The following GCA variants were observed in gnomAD, a reference collection of about 807,000 sequenced individuals.
GCA encodes the protein grancalcin.
A neutral mutation model predicts 32.6 loss-of-function variants in GCA; 30 were observed. The observed-to-expected ratio is 0.92, with a 90% CI of 0.69 to 1.25. The LOEUF is 1.25. GCA is among the 50% of genes most tolerant of loss of function. The probability of loss-of-function intolerance (pLI) is 0.00; values close to 1 mark genes in which losing one functional copy is unlikely to be tolerated. For synonymous variants in GCA, 102 were observed against 84.6 expected (o/e 1.21, Z -1.13); for missense variants, 291 against 266.8 (o/e 1.09, Z -0.63).
chr2:162,349,566 G>GA (rs1311628993), intron 2 of GCA, among the ~76,000 whole-genome samples: 1 of 152,052 alleles, frequency 6.6e-6, no homozygotes, highest in Admixed American at 6.5e-5. Flanking sequence ...AATTTGGGGG[G>GA]AAAGTTGAAA....
At chr2:162,319,837 C>T (rs1268639195) in intron 1 of GCA, among the ~76,000 whole-genome samples, 1 of 152,140 alleles carries the variant, frequency 6.6e-6, no homozygotes, top group Non-Finnish European at 1.5e-5. Context: ...TAGCAAAGTA[C>T]ATTCAATAAA....
downstream of GCA, among the ~76,000 whole-genome samples, chr2:162,375,013 A>G (rs1308061685): frequency 1.3e-5 from 2 of 152,172 alleles, no homozygotes; most frequent in Non-Finnish European, 2.9e-5. Flanking sequence ...TTTCACTGTT[A>G]TGTGTTATAC....
chr2:162,337,941 C>T (rs898624677), intron 1 of GCA, among the ~76,000 whole-genome samples: 3 of 152,120 alleles, frequency 2.0e-5, no homozygotes, highest in Non-Finnish European at 4.4e-5. Context: ...CTGTTTTCAG[C>T]TTTCAGATTT....
intron 4 of GCA, among the ~76,000 whole-genome samples, chr2:162,369,005 T>G (rs1184658697): frequency 1.3e-5 from 2 of 152,048 alleles, no homozygotes; most frequent in Non-Finnish European, 2.9e-5. Context: ...AAATGACATT[T>G]TATTTAGGCC....
intron 1 of GCA, among the ~76,000 whole-genome samples, chr2:162,335,728 C>G (rs974756303): frequency 2.6e-5 from 4 of 152,110 alleles, no homozygotes; most frequent in African/African-American, 9.7e-5. Context: ...GGGAGTATCC[C>G]CATTTTGCAA....
chr2:162,346,270 A>G (rs1684703976), intron 1 of GCA, among the ~76,000 whole-genome samples: 1 of 152,246 alleles, frequency 6.6e-6, no homozygotes, highest in African/African-American at 2.4e-5. Context: ...TTCACACAAG[A>G]AATAGCATAC....
At chr2:162,352,290 C>CT in intron 2 of GCA, 48 bp from the exon 3 acceptor site, 1 of 1,084,932 alleles carries the variant, frequency 9.2e-7, no homozygotes, top group African/African-American at 1.5e-5. Context: ...TTTTAATATG[C>CT]TTTTATACAA....
At chr2:162,322,617 C>T (rs1472262199) in intron 1 of GCA, among the ~76,000 whole-genome samples, 9 of 139,540 alleles carry the variant, frequency 6.4e-5, no homozygotes, top group Admixed American at 1.5e-4. Context: ...TCCATGTGTT[C>T]GCATTGTTCA....
chr2:162,359,232 G>T, intron 6 of GCA, 75 bp downstream of exon 6: 1 of 825,416 alleles, frequency 1.2e-6, no homozygotes, highest in Non-Finnish European at 2.0e-6. Flanking sequence ...ATTTCCTCCA[G>T]CAAGTTTATA....
chr2:162,325,069 T>C (rs1357744193), intron 1 of GCA, among the ~76,000 whole-genome samples: 2 of 152,170 alleles, frequency 1.3e-5, no homozygotes, highest in Non-Finnish European at 2.9e-5. Flanking sequence ...AAGAATTTGG[T>C]GCCAAAGACT....
At chr2:162,351,590 T>A (rs1311967153) in intron 2 of GCA, among the ~76,000 whole-genome samples, 2 of 152,120 alleles carry the variant, frequency 1.3e-5, no homozygotes, top group Non-Finnish European at 2.9e-5. Context: ...TTAGAAAAGT[T>A]TTTTGTTTTG....
chr2:162,371,906 G>T (rs750033552), downstream of GCA: 1 of 1,613,772 alleles, frequency 6.2e-7, no homozygotes, highest in South Asian at 1.1e-5. Context: ...GATGAATCTG[G>T]CAAAGAAGGA....
At chr2:162,318,978 T>G (rs1357803605), upstream of GCA, 2 of 353,628 alleles carry the variant, frequency 5.7e-6, no homozygotes, top group Non-Finnish European at 1.1e-5. Flanking sequence ...AGCATGTGAT[T>G]TGGGACTTTC....
In GCA at chr2:162,362,602, G is replaced by A. The variant is rs1685623771; in HGVS notation, c.*2359G>A. On this transcript the variant is annotated 3_prime_UTR_variant, in exon 8 of 8. Transcript: ENST00000437150. The stretch of plus-strand genomic sequence containing the variant: ...TAAACATGTTTCCATGTCATTTTGA[G>A]AATTTTTTTAATAAACATTCAAATA... The A allele has an allele frequency of 1.1e-6, 1 of 926,944 alleles. No homozygotes were observed. The highest frequency in any genetic ancestry group is 1.8e-5 in the African/African-American group (1 of 55,942). 57.4% of individuals were successfully genotyped at this position (926,944 alleles called of 1,614,324 possible).
chr2:162,326,909 C>T (rs1683905493), intron 1 of GCA, among the ~76,000 whole-genome samples: 1 of 152,186 alleles, frequency 6.6e-6, no homozygotes, highest in African/African-American at 2.4e-5. Flanking sequence ...TCCCTGAGCC[C>T]CAGAGACCTT....
intron 2 of GCA, among the ~76,000 whole-genome samples, chr2:162,350,537 G>A (rs1275874360): frequency 6.6e-6 from 1 of 151,960 alleles, no homozygotes; most frequent in African/African-American, 2.4e-5. Context: ...GATTATACTG[G>A]GAATAAGTAG....
chr2:162,356,649 A>G (rs1685286054), intron 4 of GCA, 109 bp from the exon 5 acceptor site: 1 of 881,844 alleles, frequency 1.1e-6, no homozygotes, highest in Non-Finnish European at 1.8e-6. Context: ...AAGTCTGTTC[A>G]TATAATGAGT....
At chr2:162,340,283 C>A (rs1005304403), upstream of GCA, among the ~76,000 whole-genome samples, 11 of 152,152 alleles carry the variant, frequency 7.2e-5, no homozygotes, top group Non-Finnish European at 1.3e-4. Context: ...GTATCACAGG[C>A]GTCTCAAATT....
chr2:162,334,304 A>G (rs903664649), intron 1 of GCA, among the ~76,000 whole-genome samples: 4 of 152,192 alleles, frequency 2.6e-5, no homozygotes, highest in Non-Finnish European at 4.4e-5. Flanking sequence ...GAGATAATCT[A>G]TATTTCCCAC....
Sources: allele counts gnomAD v4.1 joint callset (sites outside exome capture counted in the v4.1 genomes callset), GRCh38; gene constraint gnomAD v4.1.1; transcripts MANE v1.5; gene names NCBI Gene and HGNC (gene_info 2026-07-23, HGNC 2026-07-21).